The following PTAR1 variants were observed in gnomAD, a reference collection of about 807,000 sequenced individuals.
PTAR1 encodes the protein protein prenyltransferase alpha subunit repeat containing 1, also known as protein prenyltransferase alpha subunit repeat-containing protein 1.
In PTAR1, 17 loss-of-function variants were observed where a neutral mutation model predicts 45.5. That is an observed-to-expected ratio of 0.37 (90% CI 0.26 to 0.56). The LOEUF (loss-of-function observed/expected upper bound fraction) is 0.56. PTAR1 is among the 20% of genes least tolerant of loss of function. PTAR1 has a pLI of 0.77. For missense variants in PTAR1, 391 were observed against 476.3 expected, an observed-to-expected ratio of 0.82 and a Z score of 1.67; for synonymous variants, 169 against 171.3, an observed-to-expected ratio of 0.99 and a Z score of 0.11.
chr9:69,727,026 T>TACACAC (rs71356128), intron 5 of PTAR1, among the ~76,000 whole-genome samples: 7,135 of 147,140 alleles, frequency 0.048, 187 homozygotes, highest in South Asian at 0.056. Flanking sequence ...ATTGTGTATA[T>TACACAC]ACACACACAC....
At chr9:69,757,485 C>T (rs1308147998) in intron 1 of PTAR1, 1 of 152,112 alleles carries the variant, frequency 6.6e-6, no homozygotes, top group Non-Finnish European at 1.5e-5. Flanking sequence ...ATCAGCCTCA[C>T]AAGATCAAGA....
rs533955358 is a variant in PTAR1, at chr9:69,717,085, A to C, written c.*1257T>G. The C allele has an allele frequency of 6.6e-6, 1 of 152,306 alleles. No homozygotes were observed. The highest frequency in any genetic ancestry group is 1.9e-4 in the East Asian group (1 of 5,178). The allele number at this position is 152,306 out of a possible 1,614,324, so 9.4% of individuals were successfully genotyped here. A position where few individuals can be genotyped will look rare whatever the true frequency, so the allele number is the denominator to read the frequency against. On this transcript the variant is annotated 3_prime_UTR_variant, in exon 8 of 8. Coordinates refer to ENST00000340434, the MANE Select transcript of PTAR1 (RefSeq NM_001099666.2). The stretch of plus-strand genomic sequence containing the variant: ...TATTGGAAACATAAGATACGGCTAT[A>C]ATGTGGATACTTTGGTACCTCATCC...
At chr9:69,720,957 T>A (rs540147059) in intron 6 of PTAR1, among the ~76,000 whole-genome samples, 62 of 152,218 alleles carry the variant, frequency 4.1e-4, no homozygotes, top group Non-Finnish European at 3.8e-4. Flanking sequence ...TACAAAAAGA[T>A]TCATGTTGCT....
intron 1 of PTAR1, among the ~76,000 whole-genome samples, chr9:69,754,208 A>G (rs1826658442): frequency 6.6e-6 from 1 of 152,142 alleles, no homozygotes; most frequent in Non-Finnish European, 1.5e-5. Context: ...AAATCATTTT[A>G]AAGTTGGAAG....
At position 69,741,753 on chromosome 9, in the gene PTAR1, T is replaced by C. The variant is rs535169182; in HGVS notation, c.323+39A>G. 9.2e-6 allele frequency: 13 copies of C among 1,407,924 alleles called. 1 individual carries two copies. In the African/African-American group the frequency reaches 1.8e-4, roughly 20 times the overall value. 87.2% of individuals were successfully genotyped at this position (1,407,924 alleles called of 1,614,324 possible). On this transcript the variant is annotated intron_variant, in intron 3 of 7. Coordinates refer to ENST00000340434, the MANE Select transcript of PTAR1 (RefSeq NM_001099666.2). ...TGGGGCTTACATGTCTTCAGAAATT[T>C]GGACAAACTTTATCATATCACTAAT...
intron 1 of PTAR1, among the ~76,000 whole-genome samples, chr9:69,753,035 A>G (rs1426788484): frequency 1.3e-5 from 2 of 152,152 alleles, no homozygotes; most frequent in African/African-American, 4.8e-5. Flanking sequence ...AGATATAATA[A>G]CCTACTTACA....
chr9:69,731,805 CACT>C (rs1296732298), intron 5 of PTAR1: 1 of 257,892 alleles, frequency 3.9e-6, no homozygotes, highest in African/African-American at 2.3e-5. Flanking sequence ...CATAACCAAA[CACT>C]ACCAAGAAAT....
intron 6 of PTAR1, 31 bp downstream of exon 6, chr9:69,723,295 T>G (rs777679650): frequency 6.3e-7 from 1 of 1,582,866 alleles, no homozygotes; most frequent in Non-Finnish European, 8.7e-7. Flanking sequence ...CATGCAGTTT[T>G]GTGTAGGAAA....
At chr9:69,736,115 A>C (rs1285324076) in intron 3 of PTAR1, among the ~76,000 whole-genome samples, 3 of 152,164 alleles carry the variant, frequency 2.0e-5, no homozygotes, top group Non-Finnish European at 4.4e-5. Context: ...CCACGTTTGA[A>C]AGCAATGTTT....
At chr9:69,736,296 C>A (rs896087484) in intron 3 of PTAR1, among the ~76,000 whole-genome samples, 17 of 152,150 alleles carry the variant, frequency 1.1e-4, no homozygotes, top group African/African-American at 4.1e-4. Flanking sequence ...CGGTAGCTCA[C>A]GCCTGTAATC....
At chr9:69,751,617 G>C (rs775010908) in intron 1 of PTAR1, among the ~76,000 whole-genome samples, 1 of 151,972 alleles carries the variant, frequency 6.6e-6, no homozygotes, top group African/African-American at 2.4e-5. Context: ...TCTAATAATT[G>C]TATGTATTTC....
intron 6 of PTAR1, among the ~76,000 whole-genome samples, chr9:69,719,685 A>AT (rs1824895738): frequency 6.6e-6 from 1 of 152,128 alleles, no homozygotes; most frequent in Non-Finnish European, 1.5e-5. Flanking sequence ...CAGATACTGT[A>AT]TTTTTTATAA....
At chr9:69,723,780 CACTT>C (rs1825140451) in intron 5 of PTAR1, 150 bp from the exon 6 acceptor site, 1 of 636,776 alleles carries the variant, frequency 1.6e-6, no homozygotes, top group Non-Finnish European at 2.6e-6. Flanking sequence ...ACAGTGCTCT[CACTT>C]AGTGGAAGCT....
At chr9:69,758,109 T>C (rs1588495125) in intron 1 of PTAR1, 2 of 152,252 alleles carry the variant, frequency 1.3e-5, no homozygotes, top group South Asian at 4.1e-4. Context: ...GAAAAAGGAT[T>C]AGGGAGGGGC....
Position 69,759,846 on chromosome 9 carries a change from G to T in PTAR1, c.86+7C>A. On this transcript the variant is annotated splice_region_variant and intron_variant, in intron 1 of 7. Transcript: ENST00000340434. The stretch of plus-strand genomic sequence containing the variant: ...ACCCTCGGAGGCGGCGGAGGCGCGC[G>T]ACTCACATGTGTGGGTTCCTCCTGA... The T allele has an allele frequency of 6.6e-7, 1 of 1,518,514 alleles. No individual in the cohort carries two copies. The highest frequency in any genetic ancestry group is 1.2e-5 in the South Asian group (1 of 81,754). 94.1% of individuals were successfully genotyped at this position (1,518,514 alleles called of 1,614,324 possible). A position where few individuals can be genotyped will look rare whatever the true frequency, so the allele number is the denominator to read the frequency against.
rs1824448412 is a variant in PTAR1 at position 69,709,622 on chromosome 9, G to A, written c.*8720C>T. 1.3e-5 allele frequency: 2 copies of A among 152,080 alleles called. No homozygotes were observed. The highest frequency in any genetic ancestry group is 4.1e-4 in the South Asian group (2 of 4,828). 9.4% of individuals were successfully genotyped at this position (152,080 alleles called of 1,614,324 possible). ...TTCTACAGAAATACAATACTTTATA[G>A]CTGGCTTGGTACATGGTCACATAAG... On this transcript the variant is annotated 3_prime_UTR_variant, in exon 8 of 8. Coordinates refer to ENST00000340434, the MANE Select transcript of PTAR1 (RefSeq NM_001099666.2).
chr9:69,721,021 T>A (rs1824975490), intron 6 of PTAR1, among the ~76,000 whole-genome samples: 1 of 152,198 alleles, frequency 6.6e-6, no homozygotes, highest in Non-Finnish European at 1.5e-5. Flanking sequence ...AAGCAGAAAC[T>A]TCAACTTTCA....
intron 6 of PTAR1, among the ~76,000 whole-genome samples, chr9:69,722,461 T>C (rs2134081008): frequency 6.6e-6 from 1 of 152,244 alleles, no homozygotes; most frequent in Non-Finnish European, 1.5e-5. Context: ...TACCAGACTT[T>C]CCCCTCTCTC....
rs753750268 is a variant in PTAR1 at position 69,723,650 on chromosome 9, G to A, written c.643-20C>T. 1 of 1,547,834 alleles carries A rather than the reference G, an allele frequency of 6.5e-7. No homozygotes were observed. The highest frequency in any genetic ancestry group is 1.2e-5 in the South Asian group (1 of 84,710). ...AAGAATCTTTTAAGAAGAAAAAAGGGAAGTAAGAAGAAGAGTTCCCAAAGG... is the reference window on the plus strand; with the variant it reads ...AAGAATCTTTTAAGAAGAAAAAAGGAAAGTAAGAAGAAGAGTTCCCAAAGG... On this transcript the variant is annotated intron_variant, in intron 5 of 7. Coordinates refer to ENST00000340434, the MANE Select transcript of PTAR1 (RefSeq NM_001099666.2).
Sources: gnomAD v4.1 joint callset for allele counts (sites outside exome capture counted in the v4.1 genomes callset) on GRCh38, gnomAD v4.1.1 for gene constraint, MANE v1.5 for transcripts, NCBI Gene and HGNC (gene_info 2026-07-23, HGNC 2026-07-21) for gene names.